Variants in PALM2AKAP2 observed in about 807,000 individuals in gnomAD.
PALM2AKAP2 encodes PALM2-AKAP2 fusion protein.
In PALM2AKAP2, 37 loss-of-function variants were observed where a neutral mutation model predicts 71.5. The ratio of observed to expected loss-of-function variants is 0.52; its 90% CI spans 0.40 to 0.68. The LOEUF (loss-of-function observed/expected upper bound fraction) is 0.68, where lower values mean the gene tolerates loss of function less well. Ranked by LOEUF, PALM2AKAP2 falls within the 30% of genes least tolerant of loss-of-function variation. PALM2AKAP2 has a pLI of 0.00. For synonymous variants in PALM2AKAP2, 468 were observed against 478.8 expected (o/e 0.98, Z 0.29); for missense variants, 1,224 against 1,191.8 (o/e 1.03, Z -0.40).
chr9:110,027,871 T>C (rs1340943923), intron 7 of PALM2AKAP2, among the ~76,000 whole-genome samples: 2 of 152,228 alleles, frequency 1.3e-5, no homozygotes, highest in Non-Finnish European at 2.9e-5. Flanking sequence ...TTGCCCTTTG[T>C]ATTTGATGAT....
chr9:110,160,000 C>T (rs1836556055), intron 3 of PALM2AKAP2, among the ~76,000 whole-genome samples: 1 of 152,156 alleles, frequency 6.6e-6, no homozygotes, highest in Non-Finnish European at 1.5e-5. Flanking sequence ...TTGGAGTCAC[C>T]AATGAGTATC....
Position 110,043,059 on chromosome 9 carries a change from T to C in PALM2AKAP2, c.582+27020T>C, listed in dbSNP as rs573080349. On this transcript the variant is annotated intron_variant, in intron 7 of 9. Coordinates refer to the PALM2AKAP2 transcript ENST00000302798. ...CTACTCCTCTGCCTCCCTGCTACCT[T>C]TCCCAGCCTCTGATAACCACCCTTC... Among the ~76,000 whole-genome samples the C allele has an allele frequency of 7.7e-4, 117 of 152,304 alleles. 2 individuals carry two copies. The highest frequency in any genetic ancestry group is 1.9e-3 in the Admixed American group (29 of 15,294).
intron 1 of PALM2AKAP2, among the ~76,000 whole-genome samples, chr9:109,725,969 G>A (rs927951): frequency 0.32 from 47,949 of 152,006 alleles, 8,126 homozygotes; most frequent in African/African-American, 0.45. Context: ...ATGGTAGCAC[G>A]TAGTGCCTCA....
rs562737647 is a variant in PALM2AKAP2, at chr9:110,004,853, T to A, written c.497-11101T>A. Among the ~76,000 whole-genome samples, 116 of 152,358 alleles carry A rather than the reference T, an allele frequency of 7.6e-4. No individual in the cohort carries two copies. The South Asian group carries it at 0.021, about 27-fold the overall frequency. On this transcript the variant is annotated intron_variant, in intron 6 of 9. Coordinates refer to the PALM2AKAP2 transcript ENST00000302798. ...TGGGGCTTGTGCATTCATCACGTAG[T>A]TCTCGTGCCGTGGTTTTCAGCTCCA...
At chr9:109,767,303 A>T (rs1466082789) in intron 1 of PALM2AKAP2, among the ~76,000 whole-genome samples, 1 of 152,124 alleles carries the variant, frequency 6.6e-6, no homozygotes, top group African/African-American at 2.4e-5. Context: ...TAGTTCCATC[A>T]GGGCCGCCCC....
At chr9:109,849,877 C>G (rs1828963759) in intron 1 of PALM2AKAP2, among the ~76,000 whole-genome samples, 1 of 152,054 alleles carries the variant, frequency 6.6e-6, no homozygotes, top group Non-Finnish European at 1.5e-5. Flanking sequence ...TTTTTTTAAA[C>G]CTTTCATTAC....
At chr9:109,818,108 T>C (rs1564162585) in intron 1 of PALM2AKAP2, among the ~76,000 whole-genome samples, 1 of 152,210 alleles carries the variant, frequency 6.6e-6, no homozygotes, top group Non-Finnish European at 1.5e-5. Flanking sequence ...CCCGCACATA[T>C]TTTTGGAATG....
At chr9:110,014,516 T>TA (rs1225382539) in intron 6 of PALM2AKAP2, among the ~76,000 whole-genome samples, 2 of 151,900 alleles carry the variant, frequency 1.3e-5, no homozygotes, top group African/African-American at 2.4e-5. Context: ...CTCACTCCTG[T>TA]AATCCCAGCA....
chr9:109,867,242 T>G (rs1829475915), intron 1 of PALM2AKAP2: 1 of 442,656 alleles, frequency 2.3e-6, no homozygotes, highest in African/African-American at 2.0e-5. Context: ...TTCTTTTGGA[T>G]TAAATTCTTG....
In PALM2AKAP2 at chr9:110,011,014, A is replaced by AAAAAAAAT. The variant is rs35212981; in HGVS notation, c.497-4939_497-4938insAAAAAATA. Among the ~76,000 whole-genome samples, 117 of 69,526 alleles carry AAAAAAAAT rather than the reference A, an allele frequency of 1.7e-3. 1 individual carries two copies. Among genetic ancestry groups the AAAAAAAAT allele is most frequent in the Middle Eastern group, 0.013 (1 of 80 alleles). The allele number at this position is 69,526 out of a possible 152,430, so 45.6% of individuals were successfully genotyped here. A position where few individuals can be genotyped will look rare whatever the true frequency, so the allele number is the denominator to read the frequency against. ...TCTGTCTCAAAAAAAAAAAAAAAAA[A>AAAAAAAAT]ATATATATATATATATATATATACT... is the stretch of plus-strand genomic sequence containing the variant. On this transcript the variant is annotated intron_variant, in intron 6 of 9. Transcript: ENST00000302798.
upstream of PALM2AKAP2, chr9:109,780,283 C>G (rs1191400743): frequency 2.5e-6 from 3 of 1,214,054 alleles, no homozygotes; most frequent in African/African-American, 3.2e-5. Context: ...GCCAGGCGGC[C>G]GGGAGGGCGG....
At chr9:109,672,587 C>T (rs1362251805) in intron 1 of PALM2AKAP2, among the ~76,000 whole-genome samples, 1 of 151,856 alleles carries the variant, frequency 6.6e-6, no homozygotes, top group African/African-American at 2.4e-5. Flanking sequence ...GTATCTCTGT[C>T]AAATTTTGGT....
At chr9:110,104,783 G>A (rs1282529335) in intron 1 of PALM2AKAP2, among the ~76,000 whole-genome samples, 1 of 152,234 alleles carries the variant, frequency 6.6e-6, no homozygotes, top group East Asian at 1.9e-4. Context: ...TCTACTTTGT[G>A]TAATTATCTG....
At chr9:109,803,825 A>G (rs938089610) in intron 1 of PALM2AKAP2, among the ~76,000 whole-genome samples, 9 of 152,214 alleles carry the variant, frequency 5.9e-5, no homozygotes, top group South Asian at 2.1e-4. Flanking sequence ...TTTGATGGGT[A>G]TGTGCTCCTG....
At chr9:109,738,783 A>G (rs1564130355) in intron 1 of PALM2AKAP2, among the ~76,000 whole-genome samples, 1 of 152,368 alleles carries the variant, frequency 6.6e-6, no homozygotes, top group South Asian at 2.1e-4. Flanking sequence ...TAGTAAGCCC[A>G]AAAACTGGGA....
intron 1 of PALM2AKAP2, among the ~76,000 whole-genome samples, chr9:109,847,233 T>C (rs1476411640): frequency 6.6e-6 from 1 of 151,994 alleles, no homozygotes; most frequent in Non-Finnish European, 1.5e-5. Context: ...ATAAGAGACG[T>C]ATAGGGAGAT....
rs369434878 is a variant in PALM2AKAP2 at position 110,112,216 on chromosome 9, G to A, written c.157-23911G>A. Among the ~76,000 whole-genome samples, 30 of 151,766 alleles carry A rather than the reference G, an allele frequency of 2.0e-4. 1 individual carries two copies. In the East Asian group the frequency reaches 5.0e-3, roughly 25 times the overall value. On this transcript the variant is annotated intron_variant, in intron 1 of 3. Transcript: ENST00000374525. ...TCCGAGATACAGCTAAGAGCTCAAAGTGAATTCTTAGATTCAGTGAGCCAT... is the reference window on the plus strand; with the variant it reads ...TCCGAGATACAGCTAAGAGCTCAAAATGAATTCTTAGATTCAGTGAGCCAT...
At chr9:109,776,051 C>T (rs1829344208), upstream of PALM2AKAP2, among the ~76,000 whole-genome samples, 1 of 152,128 alleles carries the variant, frequency 6.6e-6, no homozygotes, top group Non-Finnish European at 1.5e-5. Context: ...ATGTATATAT[C>T]CAGATTTTAA....
chr9:110,098,147 A>C (rs579165), intron 1 of PALM2AKAP2, among the ~76,000 whole-genome samples: 50,372 of 121,380 alleles, frequency 0.41, 12,803 homozygotes, highest in Admixed American at 0.48. Flanking sequence ...AGAGGGAGAC[A>C]GTGGAAAGAG....
Sources: gnomAD v4.1 joint callset for allele counts (sites outside exome capture counted in the v4.1 genomes callset) on GRCh38, gnomAD v4.1.1 for gene constraint, MANE v1.5 for transcripts, NCBI Gene and HGNC (gene_info 2026-07-23, HGNC 2026-07-21) for gene names.